The following PHF24 variants were observed in gnomAD, a reference collection of about 807,000 sequenced individuals.
PHF24 encodes PHD finger protein 24, also known as Galpha inhibitory interacting protein.
PHF24 carries 25 observed loss-of-function variants against 42.6 expected under a neutral mutation model. The observed-to-expected ratio is 0.59, with a 90% CI of 0.43 to 0.82. PHF24 has a LOEUF of 0.82. Ranked by LOEUF, PHF24 falls within the 40% of genes least tolerant of loss-of-function variation. The pLI is 0.00. For synonymous variants in PHF24, 185 were observed against 204.8 expected, an observed-to-expected ratio of 0.90 and a Z score of 0.83; for missense variants, 470 against 538.1, an observed-to-expected ratio of 0.87 and a Z score of 1.25.
the PHF24 span, among the ~76,000 whole-genome samples, chr9:34,939,140 C>T: frequency 4.0e-5 from 6 of 151,844 alleles, no homozygotes; most frequent in Admixed American, 2.0e-4. Flanking sequence ...ACTCACCGGC[C>T]GTGGTGGCGC....
chr9:34,669,489 A>C, the PHF24 span, among the ~76,000 whole-genome samples: 109 of 151,906 alleles, frequency 7.2e-4, no homozygotes, highest in Non-Finnish European at 1.4e-3. Context: ...TGGGAGCAGC[A>C]GGTGTGCATG....
chr9:34,692,351 C>A, the PHF24 span, among the ~76,000 whole-genome samples: 1 of 152,114 alleles, frequency 6.6e-6, no homozygotes, highest in Non-Finnish European at 1.5e-5. Flanking sequence ...AAAACAATAC[C>A]ATTGATGTAG....
At chr9:34,668,435 C>T in the PHF24 span, among the ~76,000 whole-genome samples, 1 of 152,186 alleles carries the variant, frequency 6.6e-6, no homozygotes, top group African/African-American at 2.4e-5. Flanking sequence ...CACACATAGA[C>T]TGCAAAGGAA....
At chr9:34,948,773 C>A in the PHF24 span, among the ~76,000 whole-genome samples, 1 of 152,138 alleles carries the variant, frequency 6.6e-6, no homozygotes, top group Non-Finnish European at 1.5e-5. Context: ...ATTTCACAGT[C>A]TGAAAAAATC....
At chr9:34,730,439 G>T in the PHF24 span, among the ~76,000 whole-genome samples, 1 of 152,138 alleles carries the variant, frequency 6.6e-6, no homozygotes, top group Non-Finnish European at 1.5e-5. Context: ...CCTTTGGGCT[G>T]AAAATCTCTG....
chr9:34,710,148 G>C, the PHF24 span: 1 of 1,094,146 alleles, frequency 9.1e-7, no homozygotes, highest in East Asian at 2.5e-5. Context: ...CGTGGGCTGG[G>C]ATTGGCCTGC....
the PHF24 span, among the ~76,000 whole-genome samples, chr9:34,877,537 G>T: frequency 1.3e-5 from 2 of 152,112 alleles, no homozygotes; most frequent in African/African-American, 4.8e-5. Context: ...ATGAAAAAGC[G>T]TTTGAAATAG....
At chr9:34,971,728 G>T in intron 2 of PHF24, 52 bp downstream of exon 2, 2 of 1,532,648 alleles carry the variant, frequency 1.3e-6, no homozygotes, top group Non-Finnish European at 1.8e-6. Context: ...TCAGGGAGCA[G>T]GACAGGGAAG....
the PHF24 span, among the ~76,000 whole-genome samples, chr9:34,882,670 C>T: frequency 1.6e-4 from 25 of 152,046 alleles, no homozygotes; most frequent in African/African-American, 4.8e-4. Flanking sequence ...TGTGAAGGAC[C>T]TCTTCAAGGA....
the PHF24 span, among the ~76,000 whole-genome samples, chr9:34,704,502 T>TA: frequency 7.4e-6 from 1 of 134,902 alleles, no homozygotes; most frequent in Admixed American, 7.7e-5. Context: ...TGTGTGTATG[T>TA]TATCATTTTG....
the PHF24 span, among the ~76,000 whole-genome samples, chr9:34,802,208 C>T: frequency 2.0e-5 from 3 of 150,820 alleles, no homozygotes; most frequent in Non-Finnish European, 3.0e-5. Flanking sequence ...ACACTCTCCT[C>T]TGGAGACCTT....
chr9:34,964,165 T>C (rs1272088412), intron 1 of PHF24, among the ~76,000 whole-genome samples: 1 of 152,164 alleles, frequency 6.6e-6, no homozygotes, highest in Non-Finnish European at 1.5e-5. Flanking sequence ...TCTTTCCCTT[T>C]CCCCTCACTC....
chr9:34,882,425 C>T, the PHF24 span, among the ~76,000 whole-genome samples: 6 of 152,164 alleles, frequency 3.9e-5, no homozygotes, highest in Admixed American at 3.9e-4. Flanking sequence ...GTCCAGTTGT[C>T]CCTGTTTGCA....
chr9:34,896,200 TAAC>T, the PHF24 span, among the ~76,000 whole-genome samples: 2 of 152,090 alleles, frequency 1.3e-5, no homozygotes, highest in South Asian at 2.1e-4. Flanking sequence ...ACTGGGAAGA[TAAC>T]AACAACAACA....
chr9:34,683,554 A>C, the PHF24 span, among the ~76,000 whole-genome samples: 3 of 152,208 alleles, frequency 2.0e-5, no homozygotes, highest in Non-Finnish European at 4.4e-5. Flanking sequence ...TAAACACTCC[A>C]GCCCCATACA....
chr9:34,863,596 G>T, the PHF24 span, among the ~76,000 whole-genome samples: 2 of 152,316 alleles, frequency 1.3e-5, no homozygotes, highest in Non-Finnish European at 2.9e-5. Context: ...GGCATGGGGT[G>T]CCCCCTAATG....
the PHF24 span, among the ~76,000 whole-genome samples, chr9:34,916,874 A>G: frequency 6.6e-6 from 1 of 152,376 alleles, no homozygotes; most frequent in South Asian, 2.1e-4. Context: ...TCAAAGAGAA[A>G]TACATACTTG....
At chr9:34,924,060 C>T in the PHF24 span, among the ~76,000 whole-genome samples, 1 of 151,936 alleles carries the variant, frequency 6.6e-6, no homozygotes, top group Middle Eastern at 3.2e-3. Context: ...CTCCATTGAC[C>T]CACTAGTCAT....
At chr9:34,709,332 G>A in the PHF24 span, 2 of 1,588,456 alleles carry the variant, frequency 1.3e-6, no homozygotes, top group South Asian at 1.1e-5. Flanking sequence ...TGCATCTTGG[G>A]TTCAGGCTTC....
Sources: allele counts gnomAD v4.1 joint callset (sites outside exome capture counted in the v4.1 genomes callset), GRCh38; gene constraint gnomAD v4.1.1; transcripts MANE v1.5; gene names NCBI Gene and HGNC (gene_info 2026-07-23, HGNC 2026-07-21).